The following KIR3DL2 variants were observed in gnomAD, a reference collection of about 807,000 sequenced individuals.
KIR3DL2 encodes the protein killer cell immunoglobulin like receptor, three Ig domains and long cytoplasmic tail 2.
In KIR3DL2, 42 loss-of-function variants were observed where a neutral mutation model predicts 41.6. The ratio of observed to expected loss-of-function variants is 1.01; its 90% CI spans 0.79 to 1.31. The LOEUF (loss-of-function observed/expected upper bound fraction) is 1.31. Among genes scored for constraint, KIR3DL2 ranks in the 50% most tolerant of loss-of-function variants. The pLI, the probability that KIR3DL2 is intolerant of heterozygous loss-of-function variation, is 0.00. For synonymous variants in KIR3DL2, 230 were observed against 221.3 expected (o/e 1.04, Z -0.35); for missense variants, 728 against 576.8 (o/e 1.26, Z -2.68).
Position 54,855,923 on chromosome 19 carries a change from C to G in KIR3DL2, c.949+11C>G. On this transcript the variant is annotated intron_variant, in intron 5 of 8. Coordinates refer to ENST00000326321, the MANE Select transcript of KIR3DL2 (RefSeq NM_006737.4). ...TTGTTTCTGTCACAGGTGAGGAAAA[C>G]CCGTGTCTGTCCCATGTCTTATGAT... 6.2e-7 allele frequency: 1 copy of G among 1,613,098 alleles called. No homozygotes were observed.
chr19:54,854,318 G>A (rs2064557998), intron 4 of KIR3DL2, among the ~76,000 whole-genome samples: 1 of 151,814 alleles, frequency 6.6e-6, no homozygotes, highest in Non-Finnish European at 1.5e-5. Flanking sequence ...ACATGTGCCA[G>A]AGAGAAGTGT....
At chr19:54,851,938 C>CAGGG (rs1469393651) in intron 2 of KIR3DL2, 60 bp from the exon 3 acceptor site, 253 of 1,582,866 alleles carry the variant, frequency 1.6e-4, no homozygotes, top group Non-Finnish European at 2.0e-4. Flanking sequence ...CTTCTGAGCA[C>CAGGG]AGGGAGGGAG....
intron 6 of KIR3DL2, among the ~76,000 whole-genome samples, chr19:54,865,293 G>T (rs2065426582): frequency 6.6e-6 from 1 of 151,998 alleles, no homozygotes; most frequent in Non-Finnish European, 1.5e-5. Flanking sequence ...TCCTGTGACG[G>T]CCTCAGGCTG....
intron 4 of KIR3DL2, among the ~76,000 whole-genome samples, chr19:54,854,556 G>A (rs1177840238): frequency 6.6e-6 from 1 of 151,738 alleles, no homozygotes; most frequent in African/African-American, 2.4e-5. Flanking sequence ...CATGGCCCCA[G>A]AACACCAACC....
At chr19:54,853,473 G>A (rs2064465183) in intron 3 of KIR3DL2, among the ~76,000 whole-genome samples, 1 of 151,782 alleles carries the variant, frequency 6.6e-6, no homozygotes, top group African/African-American at 2.4e-5. Flanking sequence ...CAGCAGGAAA[G>A]AGACTAGTGG....
Position 54,862,664 on chromosome 19 carries a change from A to C in KIR3DL2, c.1001-3141A>C, listed in dbSNP as rs142203076. On this transcript the variant is annotated intron_variant, in intron 6 of 8. Coordinates refer to ENST00000326321, the MANE Select transcript of KIR3DL2 (RefSeq NM_006737.4). ...TGAAGCCACAGGAAGCACTCAGCTA[A>C]AGCACTGCATGACGTCCTCCTCCAG... Among the ~76,000 whole-genome samples, 65 of 152,068 alleles carry C rather than the reference A, an allele frequency of 4.3e-4. No individual in the cohort carries two copies. In the East Asian group the frequency reaches 0.012, roughly 29 times the overall value.
At chr19:54,853,103 C>G (rs1348078610) in intron 3 of KIR3DL2, among the ~76,000 whole-genome samples, 2 of 151,312 alleles carry the variant, frequency 1.3e-5, no homozygotes, top group African/African-American at 4.9e-5. Flanking sequence ...AAGTGACTGT[C>G]TCAAAAATAA....
At chr19:54,856,066 C>T (rs2064751537) in intron 5 of KIR3DL2, among the ~76,000 whole-genome samples, 154 bp downstream of exon 5, 1 of 150,256 alleles carries the variant, frequency 6.7e-6, no homozygotes, top group Admixed American at 6.6e-5. Context: ...GCAGACAGGG[C>T]ACCTCCAAAC....
intron 6 of KIR3DL2, among the ~76,000 whole-genome samples, chr19:54,860,208 C>T (rs1413750843): frequency 1.3e-5 from 2 of 152,066 alleles, no homozygotes; most frequent in Admixed American, 6.5e-5. Context: ...ACAACATTCT[C>T]CTGCCTTCCA....
At position 54,855,833 on chromosome 19, in the gene KIR3DL2, C is replaced by T. The variant is rs2145619675; in HGVS notation, c.870C>T (p.Thr290=). ...TGGGCCCTGCCACCCACGGAGGGAC[C>T]TACAGATGCTTCGGCTCTTTCCGTG... ...FPLGPATHGG[T]YRCFGSFRAL... The change falls in exon 5 of 9, where the codon ACC becomes ACT. Residue 290 remains threonine (T), a synonymous_variant. Transcript: ENST00000326321. 6.2e-7 allele frequency: 1 copy of T among 1,613,570 alleles called. No homozygotes were observed. The highest frequency in any genetic ancestry group is 1.1e-5 in the South Asian group (1 of 91,084).
chr19:54,855,788 A>T lies in KIR3DL2; in HGVS notation c.825A>T (p.Thr275=). ...GTGCAGTGCCCAAGGTCAACAGAAC[A>T]TTCCAGGCAGACTTTCCTCTGGGCC... ...RLRAVPKVNR[T]FQADFPLGPA... Residue 275 remains threonine (T), a synonymous_variant, in exon 5 of 9, where the codon ACA becomes ACT. Transcript: ENST00000326321. The T allele has an allele frequency of 1.9e-6, 3 of 1,613,448 alleles. No individual in the cohort carries two copies. The highest frequency in any genetic ancestry group is 2.5e-6 in the Non-Finnish European group (3 of 1,179,940).
rs912912797 is a variant in KIR3DL2, at chr19:54,853,818, C to T, written c.427C>T (p.Gln143Ter). 6.2e-6 allele frequency: 10 copies of T among 1,612,750 alleles called. 2 individuals carry two copies. The African/African-American group carries it at 1.3e-4, about 22-fold the overall frequency. The change falls in exon 4 of 9, where the codon CAA (glutamine) becomes TAA (stop). Residue 143 changes from glutamine (Q) to a stop codon, truncating the protein, a stop_gained. Transcript: ENST00000326321. LOFTEE classifies it high-confidence loss of function. ...GAAATCAGGAGAGACAGTCATCCTGCAATGTTGGTCAGATGTCATGTTTGA... is the reference window on the plus strand; with the variant it reads ...GAAATCAGGAGAGACAGTCATCCTGTAATGTTGGTCAGATGTCATGTTTGA... ...LLKSGETVIL[Q>*]CWSDVMFEHF...
At position 54,852,186 on chromosome 19, in the gene KIR3DL2, C is replaced by A. The variant is rs372468732; in HGVS notation, c.259C>A (p.Pro87Thr). Residue 87 changes from proline to threonine, a missense_variant, in exon 3 of 9, where the codon CCA becomes ACA. By Grantham distance (38) the Pro-to-Thr change is conservative (BLOSUM62 -1). Transcript: ENST00000326321. ...QESFIMGPVT[P>T]AHAGTYRCRG... ...GAGCTTCATCATGGGCCCTGTGACC[C>A]CAGCACATGCAGGGACCTACAGATG... The A allele has an allele frequency of 1.8e-5, 29 of 1,612,212 alleles. No homozygotes were observed. Among genetic ancestry groups the A allele is most frequent in the East Asian group, 2.2e-5 (1 of 44,816 alleles).
At chr19:54,864,628 G>T (rs536494251) in intron 6 of KIR3DL2, among the ~76,000 whole-genome samples, 2 of 152,058 alleles carry the variant, frequency 1.3e-5, no homozygotes, top group Non-Finnish European at 2.9e-5. Flanking sequence ...AATTGTGAAT[G>T]GGAGTTCACT....
intron 6 of KIR3DL2, among the ~76,000 whole-genome samples, chr19:54,860,453 C>A (rs1339626608): frequency 6.6e-6 from 1 of 152,052 alleles, no homozygotes; most frequent in Non-Finnish European, 1.5e-5. Context: ...TCACTGCAAC[C>A]TCCACCTCCT....
Position 54,851,998 on chromosome 19 carries a change from G to A in KIR3DL2, c.71G>A (p.Gly24Asp). ...FLLQGAWPLM[G>D]GQDKPFLSAR... The stretch of plus-strand genomic sequence containing the variant: ...AAGGCAGTGCCTCCTTCTCCCCCAG[G>A]TGGTCAGGACAAACCCTTCCTGTCT... The change falls in exon 3 of 9, where the codon GGT becomes GAT. Residue 24 changes from glycine (G) to aspartate (D), a missense_variant and splice_region_variant. Transcript: ENST00000326321. 1.2e-6 allele frequency: 2 copies of A among 1,608,990 alleles called. No homozygotes were observed. Among genetic ancestry groups the A allele is most frequent in the Non-Finnish European group, 1.7e-6 (2 of 1,177,226 alleles).
intron 3 of KIR3DL2, among the ~76,000 whole-genome samples, chr19:54,853,063 C>A (rs1293674528): frequency 6.6e-6 from 1 of 151,094 alleles, no homozygotes; most frequent in African/African-American, 2.5e-5. Context: ...TGAGCCAAGA[C>A]AACACCACTG....
In KIR3DL2 at chr19:54,866,876, T is replaced by G; in HGVS notation, c.*145T>G. Reference sequence around the variant, plus strand: ...TGCCTCTCTCTTGCTTACAAATGCCTAAGGTCGCCACTGCCTGCTGCAGAG... The same window carrying G: ...TGCCTCTCTCTTGCTTACAAATGCCGAAGGTCGCCACTGCCTGCTGCAGAG... On this transcript the variant is annotated 3_prime_UTR_variant, in exon 9 of 9. Transcript: ENST00000326321. 1 of 936,312 alleles carries G rather than the reference T, an allele frequency of 1.1e-6. No homozygotes were observed. The highest frequency in any genetic ancestry group is 1.6e-6 in the Non-Finnish European group (1 of 611,908). The allele number at this position is 936,312 out of a possible 1,614,324, so 58.0% of individuals were successfully genotyped here. A position where few individuals can be genotyped will look rare whatever the true frequency, so the allele number is the denominator to read the frequency against.
At chr19:54,865,717 T>G (rs1273639975) in intron 6 of KIR3DL2, 88 bp from the exon 7 acceptor site, 3 of 1,183,626 alleles carry the variant, frequency 2.5e-6, no homozygotes, top group Non-Finnish European at 3.8e-6. Context: ...AGATGTTCCA[T>G]GTGGTTACCT....
Sources: gnomAD v4.1 joint callset for allele counts (sites outside exome capture counted in the v4.1 genomes callset) on GRCh38, gnomAD v4.1.1 for gene constraint, MANE v1.5 for transcripts, NCBI Gene and HGNC (gene_info 2026-07-23, HGNC 2026-07-21) for gene names.